The following AFF2 variants were observed in gnomAD, a reference collection of about 807,000 sequenced individuals.
The protein encoded by AFF2 is AF4/FMR2 family member 2.
Under a neutral mutation model 76.9 loss-of-function variants are expected in AFF2, and 14 were observed. The observed-to-expected ratio is 0.18, with a 90% CI of 0.12 to 0.28. AFF2 has a LOEUF of 0.28. Among genes scored for constraint, AFF2 ranks in the 10% least tolerant of loss-of-function variants. AFF2 has a pLI of 1.00. For missense variants in AFF2, 868 were observed against 1,001.1 expected (o/e 0.87, Z 1.79); for synonymous variants, 398 against 366.7 (o/e 1.09, Z -0.98).
At chrX:148,667,566 T>A (rs987950410) in intron 3 of AFF2, among the ~76,000 whole-genome samples, 3 of 111,899 alleles carry the variant, frequency 2.7e-5, no homozygotes, top group Admixed American at 9.5e-5. Context: ...TCCACGTGGC[T>A]GGGGAGGCCT....
intron 3 of AFF2, among the ~76,000 whole-genome samples, chrX:148,783,859 T>G (rs1428739746): frequency 9.0e-6 from 1 of 111,430 alleles, no homozygotes; most frequent in Non-Finnish European, 1.9e-5. Context: ...AGGGGACCTG[T>G]GAGAGTACAG....
chrX:148,922,797 T>A (rs1177602437), intron 9 of AFF2, among the ~76,000 whole-genome samples: 2 of 111,818 alleles, frequency 1.8e-5, no homozygotes, highest in Non-Finnish European at 3.8e-5. Context: ...ATTCTGTTTT[T>A]CACTTACCAT....
intron 8 of AFF2, among the ~76,000 whole-genome samples, chrX:148,890,058 G>T (rs182949658): frequency 8.9e-6 from 1 of 112,069 alleles, no homozygotes; most frequent in African/African-American, 3.2e-5. Context: ...TAAGGAATGG[G>T]ATGTTAAAGA....
intron 9 of AFF2, among the ~76,000 whole-genome samples, chrX:148,931,679 G>T (rs782212115): frequency 8.9e-6 from 1 of 112,079 alleles, no homozygotes; most frequent in Non-Finnish European, 1.9e-5. Context: ...TTATTCTGCT[G>T]TAGGTATTAT....
intron 7 of AFF2, among the ~76,000 whole-genome samples, chrX:148,881,653 G>A (rs1055673493): frequency 9.0e-6 from 1 of 111,003 alleles, no homozygotes; most frequent in Non-Finnish European, 1.9e-5. Context: ...TCCTTATTTG[G>A]TCATGGTTTC....
At chrX:148,616,902 C>A (rs1355832797) in intron 1 of AFF2, among the ~76,000 whole-genome samples, 1 of 111,058 alleles carries the variant, frequency 9.0e-6, no homozygotes, top group Non-Finnish European at 1.9e-5. Context: ...AGGACATGAA[C>A]TCATCATTTT....
In AFF2 at chrX:148,995,186, T is replaced by G; in HGVS notation, c.*3854T>G. 1 of 110,725 alleles carries G rather than the reference T, an allele frequency of 9.0e-6. No individual in the cohort carries two copies. The highest frequency in any genetic ancestry group is 1.9e-5 in the Non-Finnish European group (1 of 52,871). 9.1% of individuals were successfully genotyped at this position (110,725 alleles called of 1,213,427 possible). A position where few individuals can be genotyped will look rare whatever the true frequency, so the allele number is the denominator to read the frequency against. Reference sequence around the variant, plus strand: ...TCTCATTTTCACTCGCACGGCCTTATTCTCATAATTAAAATCTAATTCATT... The same window carrying G: ...TCTCATTTTCACTCGCACGGCCTTAGTCTCATAATTAAAATCTAATTCATT... On this transcript the variant is annotated 3_prime_UTR_variant, in exon 21 of 21. Transcript: ENST00000370460.
intron 7 of AFF2, among the ~76,000 whole-genome samples, chrX:148,856,597 T>C (rs1396365711): frequency 9.0e-6 from 1 of 111,336 alleles, no homozygotes; most frequent in African/African-American, 3.3e-5. Context: ...AATACAAGAA[T>C]ACAAGAGGGA....
At chrX:148,657,632 G>A (rs1557257294) in intron 2 of AFF2, among the ~76,000 whole-genome samples, 1 of 112,082 alleles carries the variant, frequency 8.9e-6, no homozygotes, top group Non-Finnish European at 1.9e-5. Context: ...AACCAGACAT[G>A]TAATTTATGC....
At chrX:148,596,674 T>G (rs148509719) in intron 1 of AFF2, among the ~76,000 whole-genome samples, 2 of 112,295 alleles carry the variant, frequency 1.8e-5, no homozygotes, top group African/African-American at 6.5e-5. Context: ...AAATGTCAGT[T>G]AGCGAGGTTT....
chrX:148,748,736 G>GA (rs1244977642), intron 3 of AFF2, among the ~76,000 whole-genome samples: 1 of 111,567 alleles, frequency 9.0e-6, no homozygotes, highest in Non-Finnish European at 1.9e-5. Context: ...CCCTATTTGG[G>GA]AAAAATGGTT....
chrX:148,767,721 G>T (rs1165837256), intron 3 of AFF2, among the ~76,000 whole-genome samples: 2 of 112,194 alleles, frequency 1.8e-5, no homozygotes. Flanking sequence ...ACTCAGTTGG[G>T]TATTCTTAAT....
chrX:148,787,011 A>G (rs1172032705), intron 3 of AFF2, among the ~76,000 whole-genome samples: 2 of 112,202 alleles, frequency 1.8e-5, no homozygotes, highest in East Asian at 5.6e-4. Context: ...GATTATATAC[A>G]TGCAAAGTAC....
chrX:148,905,893 G>C (rs1440353598), intron 9 of AFF2, among the ~76,000 whole-genome samples: 1 of 112,473 alleles, frequency 8.9e-6, no homozygotes, highest in Non-Finnish European at 1.9e-5. Flanking sequence ...AATTCACAGT[G>C]CACACTCTAT....
intron 7 of AFF2, among the ~76,000 whole-genome samples, chrX:148,843,689 C>T (rs1463230262): frequency 9.0e-6 from 1 of 111,297 alleles, no homozygotes; most frequent in Non-Finnish European, 1.9e-5. Context: ...GTTTTGGAGC[C>T]TGAGAAGTTT....
intron 3 of AFF2, among the ~76,000 whole-genome samples, chrX:148,692,980 G>A (rs782682467): frequency 4.5e-5 from 5 of 110,902 alleles, no homozygotes; most frequent in Non-Finnish European, 1.9e-5. Flanking sequence ...GTGCAGTGGC[G>A]CGATCTCGGC....
intron 17 of AFF2, 89 bp downstream of exon 17, chrX:148,978,093 T>C: frequency 3.1e-6 from 2 of 642,416 alleles, no homozygotes; most frequent in South Asian, 2.5e-5. Flanking sequence ...TTACCCCAGA[T>C]CATTACTCTT....
At chrX:148,951,592 A>G (rs1256990205) in intron 9 of AFF2, among the ~76,000 whole-genome samples, 2 of 112,140 alleles carry the variant, frequency 1.8e-5, no homozygotes, top group Non-Finnish European at 3.8e-5. Context: ...TCTGTGTTAT[A>G]TTTAAAACTT....
rs782596647 is a variant in AFF2 at position 148,591,612 on chromosome X, C to A, written c.48-60387C>A. The stretch of plus-strand genomic sequence containing the variant: ...AAGTCCATTATTTAATGGATTCCAG[C>A]CACAATCAACTCTTTCAAGGCATGG... On this transcript the variant is annotated intron_variant, in intron 1 of 20. Coordinates refer to ENST00000370460, the MANE Select transcript of AFF2 (RefSeq NM_002025.4). Among the ~76,000 whole-genome samples, 3 of 112,053 alleles carry A rather than the reference C, an allele frequency of 2.7e-5. No individual in the cohort carries two copies. The South Asian group carries it at 1.1e-3, about 42-fold the overall frequency.
Sources: gnomAD v4.1 joint callset for allele counts (sites outside exome capture counted in the v4.1 genomes callset) on GRCh38, gnomAD v4.1.1 for gene constraint, MANE v1.5 for transcripts, NCBI Gene and HGNC (gene_info 2026-07-23, HGNC 2026-07-21) for gene names.